The following RBFOX1 variants were observed in gnomAD, a reference collection of about 807,000 sequenced individuals.
RBFOX1 encodes RNA binding protein fox-1 homolog 1.
A neutral mutation model predicts 57.7 loss-of-function variants in RBFOX1; 8 were observed. The observed-to-expected ratio is 0.14, with a 90% CI of 0.08 to 0.25. RBFOX1 has a LOEUF of 0.25. Among genes scored for constraint, RBFOX1 ranks in the 10% least tolerant of loss-of-function variants. The pLI, the probability that RBFOX1 is intolerant of heterozygous loss-of-function variation, is 1.00. For synonymous variants in RBFOX1, 326 were observed against 222.4 expected (o/e 1.47, Z -4.15); for missense variants, 611 against 548.5 (o/e 1.11, Z -1.14).
intron 3 of RBFOX1, among the ~76,000 whole-genome samples, chr16:6,853,263 A>G (rs1481744703): frequency 1.3e-5 from 2 of 152,120 alleles, no homozygotes; most frequent in African/African-American, 2.4e-5. Context: ...AGTGCCATAT[A>G]AATGTTGGCT....
intron 2 of RBFOX1, among the ~76,000 whole-genome samples, chr16:5,544,693 G>A (rs920864839): frequency 3.3e-5 from 5 of 152,194 alleles, no homozygotes; most frequent in Admixed American, 1.3e-4. Context: ...ATATATCTTT[G>A]TATAGTACAT....
At chr16:7,070,384 C>T (rs183247972) in intron 4 of RBFOX1, among the ~76,000 whole-genome samples, 7 of 152,198 alleles carry the variant, frequency 4.6e-5, no homozygotes, top group Admixed American at 2.0e-4. Context: ...TCAGATGCAC[C>T]CACGCATACA....
intron 2 of RBFOX1, among the ~76,000 whole-genome samples, chr16:6,503,339 C>A (rs1252980404): frequency 6.6e-6 from 1 of 152,240 alleles, no homozygotes; most frequent in South Asian, 2.1e-4. Flanking sequence ...TTGTAGAAGC[C>A]TGGGGAGTCA....
At chr16:7,560,036 G>C (rs2089936495) in intron 5 of RBFOX1, among the ~76,000 whole-genome samples, 1 of 152,204 alleles carries the variant, frequency 6.6e-6, no homozygotes, top group African/African-American at 2.4e-5. Flanking sequence ...GAGTGCATAG[G>C]AGTATGAATG....
At chr16:5,962,256 G>T (rs1205275645) in intron 4 of RBFOX1, among the ~76,000 whole-genome samples, 4 of 152,156 alleles carry the variant, frequency 2.6e-5, no homozygotes, top group Non-Finnish European at 5.9e-5. Flanking sequence ...CATCAAGCCT[G>T]AGCTATTACA....
intron 3 of RBFOX1, among the ~76,000 whole-genome samples, chr16:5,700,222 G>C (rs956397984): frequency 6.6e-6 from 1 of 151,898 alleles, no homozygotes; most frequent in Non-Finnish European, 1.5e-5. Context: ...CAAACTATTC[G>C]ATCAATTTTT....
At chr16:6,492,370 C>G (rs997512537) in intron 2 of RBFOX1, among the ~76,000 whole-genome samples, 1 of 152,130 alleles carries the variant, frequency 6.6e-6, no homozygotes, top group Non-Finnish European at 1.5e-5. Flanking sequence ...GAGTTCAAGA[C>G]CAGCCTGGCC....
intron 1 of RBFOX1, among the ~76,000 whole-genome samples, chr16:6,032,845 C>T (rs1277278220): frequency 6.6e-6 from 1 of 151,118 alleles, no homozygotes; most frequent in Non-Finnish European, 1.5e-5. Context: ...TTGTCTTTTC[C>T]CAGAAAAGTG....
intron 3 of RBFOX1, among the ~76,000 whole-genome samples, chr16:5,787,882 A>G (rs1304238298): frequency 6.6e-6 from 1 of 152,244 alleles, no homozygotes; most frequent in African/African-American, 2.4e-5. Context: ...CAAGTCAACT[A>G]AGGAACTTAG....
At chr16:7,369,646 A>C (rs964258279) in intron 4 of RBFOX1, among the ~76,000 whole-genome samples, 1 of 152,150 alleles carries the variant, frequency 6.6e-6, no homozygotes, top group Non-Finnish European at 1.5e-5. Context: ...AACTGTAACA[A>C]TTGTTTGAAG....
intron 4 of RBFOX1, among the ~76,000 whole-genome samples, chr16:7,288,366 G>T (rs1184758490): frequency 1.3e-5 from 2 of 152,116 alleles, no homozygotes; most frequent in Admixed American, 1.3e-4. Context: ...CTGAGTTAGG[G>T]CCTCAGGGTG....
At position 6,222,179 on chromosome 16, in the gene RBFOX1, G is replaced by C. The variant is rs143824578; in HGVS notation, c.-126-94816G>C. On this transcript the variant is annotated intron_variant, in intron 1 of 15. Coordinates refer to ENST00000550418, the MANE Select transcript of RBFOX1 (RefSeq NM_018723.4). ...GGAAATGAATGTTTTAGACTAGAGA[G>C]ATATTTCTTTTATAAAATACAATGT... Among the ~76,000 whole-genome samples the C allele has an allele frequency of 3.8e-4, 58 of 152,236 alleles. No homozygotes were observed. In the East Asian group the frequency reaches 9.3e-3, roughly 24 times the overall value.
intron 1 of RBFOX1, among the ~76,000 whole-genome samples, chr16:6,244,021 C>T (rs1289140828): frequency 6.6e-6 from 1 of 152,238 alleles, no homozygotes; most frequent in Middle Eastern, 3.4e-3. Context: ...CACATTATCT[C>T]TTAGAGCCGT....
chr16:7,156,878 A>C (rs956078541), intron 4 of RBFOX1, among the ~76,000 whole-genome samples: 1 of 152,156 alleles, frequency 6.6e-6, no homozygotes, highest in Non-Finnish European at 1.5e-5. Flanking sequence ...AGATATTGCT[A>C]ATATTTGCCC....
chr16:6,854,587 ATTTTTTTT>A lies in RBFOX1; in HGVS notation c.-15-197452_-15-197445del, dbSNP rs71147611. On this transcript the variant is annotated intron_variant, in intron 3 of 15. Coordinates refer to ENST00000550418, the MANE Select transcript of RBFOX1 (RefSeq NM_018723.4). ...CCTCCCTGCCAACTAGGAGAGGTGA[ATTTTTTTT>A]TTTTTTTTTTTTTTTTTGAGACTGA... Among the ~76,000 whole-genome samples, 717 of 70,708 alleles carry A rather than the reference ATTTTTTTT, an allele frequency of 0.01. 31 individuals carry two copies. In the Admixed American group the frequency reaches 0.13, roughly 13 times the overall value. 46.4% of individuals were successfully genotyped at this position (70,708 alleles called of 152,430 possible).
At chr16:6,059,432 A>C (rs1343515783) in intron 1 of RBFOX1, among the ~76,000 whole-genome samples, 6 of 152,196 alleles carry the variant, frequency 3.9e-5, no homozygotes, top group African/African-American at 1.2e-4. Context: ...ACATTTATAT[A>C]ATAATTTATA....
intron 4 of RBFOX1, among the ~76,000 whole-genome samples, chr16:7,198,352 TAGAC>T (rs2087346716): frequency 6.6e-6 from 1 of 152,190 alleles, no homozygotes; most frequent in Non-Finnish European, 1.5e-5. Flanking sequence ...GTTTTGAAAC[TAGAC>T]AGAGGGTGGT....
At position 7,509,667 on chromosome 16, in the gene RBFOX1, C is replaced by G. The variant is rs146481071; in HGVS notation, c.28-8480C>G. 5.4e-3 allele frequency among the ~76,000 whole-genome samples: 820 copies of G among 152,304 alleles called. 5 individuals are homozygous for G. The highest frequency in any genetic ancestry group is 6.1e-3 in the Non-Finnish European group (418 of 68,018). ...TAAGATCGATTTGCAGTTAACCACA[C>G]AGCTTTATTACAAATTCATGCTCTC... On this transcript the variant is annotated intron_variant, in intron 4 of 15. Coordinates refer to ENST00000550418, the MANE Select transcript of RBFOX1 (RefSeq NM_018723.4).
chr16:6,904,783 T>C (rs2069402363), intron 3 of RBFOX1, among the ~76,000 whole-genome samples: 1 of 152,030 alleles, frequency 6.6e-6, no homozygotes, highest in Non-Finnish European at 1.5e-5. Flanking sequence ...CCGGGCTACT[T>C]GTGTTACACA....
Sources: gnomAD v4.1 joint callset for allele counts (sites outside exome capture counted in the v4.1 genomes callset) on GRCh38, gnomAD v4.1.1 for gene constraint, MANE v1.5 for transcripts, NCBI Gene and HGNC (gene_info 2026-07-23, HGNC 2026-07-21) for gene names.